The following HERC2 variants were observed in gnomAD, a reference collection of about 807,000 sequenced individuals.
HERC2 encodes E3 ubiquitin-protein ligase HERC2.
A neutral mutation model predicts 537.7 loss-of-function variants in HERC2; 102 were observed. The ratio of observed to expected loss-of-function variants is 0.19; its 90% CI spans 0.16 to 0.22. HERC2 has a LOEUF of 0.22. Among genes scored for constraint, HERC2 ranks in the 10% least tolerant of loss-of-function variants. HERC2 has a pLI of 1.00. For missense variants in HERC2, 4,236 were observed against 6,198.2 expected (o/e 0.68, Z 10.63); for synonymous variants, 2,224 against 2,466.2 (o/e 0.90, Z 2.91).
chr15:28,112,047 A>C lies in HERC2; in HGVS notation c.14233-12T>G, dbSNP rs779226032. ...TATTTATCCAACACCTGTTGAGCAG[A>C]AACATGAAGTGATTAGAAATTGAGT... is the stretch of plus-strand genomic sequence containing the variant. On this transcript the variant is annotated splice_polypyrimidine_tract_variant and intron_variant, in intron 92 of 92. Coordinates refer to ENST00000261609, the MANE Select transcript of HERC2 (RefSeq NM_004667.6). 2.7e-5 allele frequency: 43 copies of C among 1,610,964 alleles called. No homozygotes were observed. Among genetic ancestry groups the C allele is most frequent in the Non-Finnish European group, 3.7e-5 (43 of 1,177,398 alleles).
intron 52 of HERC2, among the ~76,000 whole-genome samples, chr15:28,193,796 G>C (rs1028282619): frequency 7.2e-5 from 11 of 152,232 alleles, no homozygotes; most frequent in South Asian, 2.1e-4. Flanking sequence ...TTTTAAAGTG[G>C]TGAAAGAAAA....
chr15:28,256,751 C>A (rs1385500460), intron 17 of HERC2, among the ~76,000 whole-genome samples: 1 of 152,116 alleles, frequency 6.6e-6, no homozygotes, highest in Admixed American at 6.5e-5. Context: ...CCCGCCACCA[C>A]AACTGGCTAA....
chr15:28,301,925 G>C (rs1265854300), intron 2 of HERC2, among the ~76,000 whole-genome samples: 1 of 150,424 alleles, frequency 6.6e-6, no homozygotes, highest in African/African-American at 2.4e-5. Flanking sequence ...TCAGCCTCCA[G>C]AGTAGCTGGG....
chr15:28,143,818 A>AC, intron 74 of HERC2, 55 bp downstream of exon 74: 1 of 1,608,852 alleles, frequency 6.2e-7, no homozygotes, highest in Non-Finnish European at 8.5e-7. Flanking sequence ...TACTAAAGCA[A>AC]CATTTTATTC....
chr15:28,145,103 C>T (rs1298484665), intron 71 of HERC2, among the ~76,000 whole-genome samples: 10 of 152,222 alleles, frequency 6.6e-5, no homozygotes, highest in Admixed American at 6.5e-4. Context: ...ACCCCACCAG[C>T]CAGGATACAG....
chr15:28,240,219 C>G (rs1245903019), intron 23 of HERC2, among the ~76,000 whole-genome samples: 2 of 152,140 alleles, frequency 1.3e-5, no homozygotes, highest in Admixed American at 6.6e-5. Flanking sequence ...GAGATGGAGA[C>G]CATCCTGGCT....
Position 28,132,713 on chromosome 15 carries a change from G to C in HERC2, c.12348C>G (p.Gly4116=). ...VTAAGDLYTW[G]KGRYGRLGHS... ...GCCCCAGCCGGCCGTAGCGGCCTTT[G>C]CCCCATGTGTAGAGGTCCCCGGCTG... is the stretch of plus-strand genomic sequence containing the variant. Residue 4116 remains glycine, a synonymous_variant, in exon 80 of 93, where the codon GGC becomes GGG. Transcript: ENST00000261609. 1 of 1,603,714 alleles carries C rather than the reference G, an allele frequency of 6.2e-7. No individual in the cohort carries two copies. The highest frequency in any genetic ancestry group is 1.1e-5 in the South Asian group (1 of 89,544).
At chr15:28,266,909 G>A (rs559857861) in intron 12 of HERC2, among the ~76,000 whole-genome samples, 1 of 152,128 alleles carries the variant, frequency 6.6e-6, no homozygotes, top group Non-Finnish European at 1.5e-5. Flanking sequence ...CTGGTTGTAT[G>A]GAAGCCTCAT....
intron 3 of HERC2, among the ~76,000 whole-genome samples, chr15:28,295,386 T>C (rs982860314): frequency 1.3e-5 from 2 of 151,922 alleles, no homozygotes; most frequent in African/African-American, 2.4e-5. Context: ...CCACAGCCTC[T>C]TTGTGTATGG....
intron 81 of HERC2, among the ~76,000 whole-genome samples, chr15:28,130,908 T>A (rs1890040423): frequency 6.6e-6 from 1 of 152,126 alleles, no homozygotes; most frequent in Non-Finnish European, 1.5e-5. Flanking sequence ...TGCTTCTCTG[T>A]GCAGGAGCAC....
At chr15:28,117,792 A>G (rs933858897) in intron 86 of HERC2, 3 of 353,384 alleles carry the variant, frequency 8.5e-6, no homozygotes, top group Non-Finnish European at 1.7e-5. Flanking sequence ...CAATTGCTAA[A>G]GGCTCAGGGG....
Position 28,198,640 on chromosome 15 carries a change from C to G in HERC2, c.7846G>C (p.Gly2616Arg), listed in dbSNP as rs963275518. The G allele has an allele frequency of 9.3e-6, 15 of 1,613,872 alleles. No individual in the cohort carries two copies. Among genetic ancestry groups the G allele is most frequent in the African/African-American group, 1.3e-5 (1 of 74,908 alleles). The change falls in exon 49 of 93, where the codon GGC becomes CGC. Residue 2616 changes from glycine to arginine, a missense_variant. Coordinates refer to ENST00000261609, the MANE Select transcript of HERC2 (RefSeq NM_004667.6). ...NVQCDWQQKG[G>R]TYWVRYIHVE... is the part of the protein sequence containing the mutation. ...TGAATGTACCTAACCCAGTAGGTGC[C>G]CCCTTTCTGCTGCCAGTCACACTGC...
At chr15:28,142,462 G>T (rs374958990) in intron 75 of HERC2, 69 bp from the exon 76 acceptor site, 27 of 1,480,446 alleles carry the variant, frequency 1.8e-5, no homozygotes, top group South Asian at 1.3e-4. Context: ...GGTTTCTGTG[G>T]CTCCTTCCGC....
At chr15:28,259,011 A>C (rs2075344395) in intron 16 of HERC2, among the ~76,000 whole-genome samples, 1 of 152,268 alleles carries the variant, frequency 6.6e-6, no homozygotes, top group African/African-American at 2.4e-5. Flanking sequence ...GCCAAAAATC[A>C]GGAAAATCCT....
intron 35 of HERC2, among the ~76,000 whole-genome samples, chr15:28,225,944 C>T (rs1298279377): frequency 2.0e-5 from 3 of 152,078 alleles, no homozygotes; most frequent in Admixed American, 6.5e-5. Context: ...GAGATTGAAT[C>T]AGTAATTAAA....
intron 17 of HERC2, among the ~76,000 whole-genome samples, chr15:28,256,808 A>G (rs2075276884): frequency 6.6e-6 from 1 of 152,050 alleles, no homozygotes; most frequent in African/African-American, 2.4e-5. Flanking sequence ...GTTAGCCGGG[A>G]TGGTCTCGAT....
At chr15:28,142,754 C>T in intron 75 of HERC2, 73 bp downstream of exon 75, 1 of 1,516,534 alleles carries the variant, frequency 6.6e-7, no homozygotes, top group South Asian at 1.2e-5. Flanking sequence ...ACACACACTG[C>T]ACATGACAAC....
At chr15:28,134,640 T>G (rs1890430500) in intron 79 of HERC2, among the ~76,000 whole-genome samples, 1 of 151,990 alleles carries the variant, frequency 6.6e-6, no homozygotes, top group Non-Finnish European at 1.5e-5. Context: ...GACCTCTTAC[T>G]CCTAGACTAC....
intron 89 of HERC2, 147 bp downstream of exon 89, chr15:28,115,282 C>G: frequency 5.4e-5 from 15 of 279,532 alleles, no homozygotes; most frequent in Non-Finnish European, 5.6e-5. Flanking sequence ...TTTTTTTTTG[C>G]TACTCAAAGG....
Sources: gnomAD v4.1 joint callset for allele counts (sites outside exome capture counted in the v4.1 genomes callset) on GRCh38, gnomAD v4.1.1 for gene constraint, MANE v1.5 for transcripts, NCBI Gene and HGNC (gene_info 2026-07-23, HGNC 2026-07-21) for gene names.